FDFT1: variants seen among roughly 807,000 people sequenced by gnomAD.
The protein encoded by FDFT1 is farnesyl-diphosphate farnesyltransferase 1.
FDFT1 carries 68 observed loss-of-function variants against 46.8 expected under a neutral mutation model. That is an observed-to-expected ratio of 1.45 (90% confidence interval 1.19 to 1.78). The LOEUF is 1.78. Among genes scored for constraint, FDFT1 ranks in the 40% most tolerant of loss-of-function variants. FDFT1 has a pLI of 0.00. For missense variants in FDFT1, 928 were observed against 524.4 expected, an observed-to-expected ratio of 1.77 and a Z score of -7.52; for synonymous variants, 351 against 185.1, an observed-to-expected ratio of 1.90 and a Z score of -7.28.
intron 3 of FDFT1, among the ~76,000 whole-genome samples, chr8:11,817,372 T>C (rs993927234): frequency 3.3e-5 from 5 of 151,772 alleles, no homozygotes; most frequent in Non-Finnish European, 7.4e-5. Context: ...ATCAGGATGA[T>C]GCTGGCCTCA....
intron 5 of FDFT1, among the ~76,000 whole-genome samples, chr8:11,829,596 T>C (rs1302530637): frequency 6.6e-6 from 1 of 152,130 alleles, no homozygotes; most frequent in African/African-American, 2.4e-5. Context: ...TATTGGGTTA[T>C]TTTTTTCAGA....
chr8:11,822,241 G>T (rs1585946106), intron 4 of FDFT1, among the ~76,000 whole-genome samples: 1 of 152,152 alleles, frequency 6.6e-6, no homozygotes, highest in Non-Finnish European at 1.5e-5. Flanking sequence ...TTCTGTGGAA[G>T]TAAAGACATT....
intron 7 of FDFT1, among the ~76,000 whole-genome samples, chr8:11,832,776 C>G (rs997338283): frequency 2.0e-5 from 3 of 151,984 alleles, no homozygotes; most frequent in Non-Finnish European, 4.4e-5. Context: ...CTGTGATCCT[C>G]AGGTGTGATC....
At position 11,838,921 on chromosome 8, in the gene FDFT1, A is replaced by G. The variant is rs1011906726; in HGVS notation, c.*312A>G. On this transcript the variant is annotated 3_prime_UTR_variant, in exon 8 of 8. Coordinates refer to ENST00000220584, the MANE Select transcript of FDFT1 (RefSeq NM_004462.5). ...TGACTGTCATGAGATCCTACTTAGT[A>G]TGATCCTGGCTAGAATGATAATTAA... The G allele has an allele frequency of 2.6e-5, 9 of 351,440 alleles. No homozygotes were observed. The highest frequency in any genetic ancestry group is 1.5e-4 in the African/African-American group (7 of 46,458). 21.8% of individuals were successfully genotyped at this position (351,440 alleles called of 1,614,324 possible). A position where few individuals can be genotyped will look rare whatever the true frequency, so the allele number is the denominator to read the frequency against.
intron 7 of FDFT1, among the ~76,000 whole-genome samples, chr8:11,838,087 T>G (rs1198044813): frequency 1.3e-5 from 2 of 152,198 alleles, no homozygotes; most frequent in African/African-American, 2.4e-5. Flanking sequence ...CCTGGCACTG[T>G]GAGGTGCTGG....
intron 3 of FDFT1, among the ~76,000 whole-genome samples, chr8:11,812,414 C>G (rs1036578534): frequency 1.3e-5 from 2 of 152,096 alleles, no homozygotes; most frequent in Non-Finnish European, 2.9e-5. Context: ...GCTGGGATAT[C>G]CTCTCAAATG....
At chr8:11,822,118 A>G (rs144998800) in intron 4 of FDFT1, among the ~76,000 whole-genome samples, 71 of 152,342 alleles carry the variant, frequency 4.7e-4, no homozygotes, top group African/African-American at 1.7e-3. Context: ...GCTTATCTAG[A>G]CAAAGGGATG....
At chr8:11,808,963 C>T (rs1554517660) in intron 2 of FDFT1, 72 bp downstream of exon 2, 3 of 1,563,506 alleles carry the variant, frequency 1.9e-6, no homozygotes, top group South Asian at 1.2e-5. Context: ...TTGGAAGCTA[C>T]CTTTTGATAT....
chr8:11,822,019 C>T (rs781063337), intron 4 of FDFT1, 141 bp downstream of exon 4: 12 of 960,978 alleles, frequency 1.2e-5, no homozygotes, highest in South Asian at 3.2e-5. Flanking sequence ...TTGAATGTCT[C>T]ATCATAAACA....
chr8:11,809,897 T>G, intron 3 of FDFT1, 47 bp downstream of exon 3: 1 of 1,460,888 alleles, frequency 6.8e-7, no homozygotes, highest in Non-Finnish European at 9.4e-7. Context: ...TGTTCATAAT[T>G]GCTAACGTGG....
chr8:11,808,715 C>CTCCCACTCCCAG lies in FDFT1; in HGVS notation c.100-68_100-67insGTCCCACTCCCA, dbSNP rs1554517495. 48 of 6,582 alleles carry CTCCCACTCCCAG rather than the reference C, an allele frequency of 7.3e-3. No individual in the cohort carries two copies. The East Asian group carries it at 0.092, about 13-fold the overall frequency. 0.4% of individuals were successfully genotyped at this position (6,582 alleles called of 1,614,324 possible). A position where few individuals can be genotyped will look rare whatever the true frequency, so the allele number is the denominator to read the frequency against. On this transcript the variant is annotated intron_variant, in intron 1 of 7. Coordinates refer to ENST00000220584, the MANE Select transcript of FDFT1 (RefSeq NM_004462.5). ...TGTGGAGCCGCCTGCCCCAGTCCCA[C>CTCCCACTCCCAG]TCCCACTCCCACTCCCACTCCCACT...
chr8:11,821,899 T>G (rs1178498145), intron 4 of FDFT1, 21 bp downstream of exon 4: 5 of 1,610,466 alleles, frequency 3.1e-6, no homozygotes, highest in Non-Finnish European at 4.2e-6. Flanking sequence ...TAAAACAGTG[T>G]CTGTGTGTGA....
At chr8:11,823,031 C>A (rs1054165172) in intron 4 of FDFT1, among the ~76,000 whole-genome samples, 2 of 152,060 alleles carry the variant, frequency 1.3e-5, no homozygotes, top group Non-Finnish European at 1.5e-5. Context: ...CACGGCTCCC[C>A]GCAGCCTCAA....
At position 11,823,861 on chromosome 8, in the gene FDFT1, A is replaced by C. The variant is rs987559949; in HGVS notation, c.510+1983A>C. 2.0e-5 allele frequency among the ~76,000 whole-genome samples: 3 copies of C among 152,084 alleles called. 1 individual carries two copies. The highest frequency in any genetic ancestry group is 7.2e-5 in the African/African-American group (3 of 41,384). The stretch of plus-strand genomic sequence containing the variant: ...TGTGCTCAAGCAGTCCTCTCACCTC[A>C]GCCTCCCCATTAGCTGGGACTATAG... On this transcript the variant is annotated intron_variant, in intron 4 of 7. Transcript: ENST00000220584.
At chr8:11,825,793 G>A (rs1172144786) in intron 4 of FDFT1, among the ~76,000 whole-genome samples, 4 of 152,044 alleles carry the variant, frequency 2.6e-5, no homozygotes, top group Non-Finnish European at 5.9e-5. Context: ...GAAAATACAA[G>A]TGAAAAATAA....
At chr8:11,825,270 G>A (rs1301163444) in intron 4 of FDFT1, among the ~76,000 whole-genome samples, 4 of 151,998 alleles carry the variant, frequency 2.6e-5, no homozygotes, top group East Asian at 1.9e-4. Flanking sequence ...GGGCGGGCAC[G>A]GTGTCTTGGG....
chr8:11,831,505 T>G lies in FDFT1; in HGVS notation c.880-13T>G. The G allele has an allele frequency of 1.2e-6, 2 of 1,611,258 alleles. No homozygotes were observed. The highest frequency in any genetic ancestry group is 1.7e-6 in the Non-Finnish European group (2 of 1,178,138). ...CATTTCTTCTTTTTTCCCTCTCTTC[T>G]TGTTGTCTCTAGGTGATGGCCATTG... is the stretch of plus-strand genomic sequence containing the variant. On this transcript the variant is annotated splice_polypyrimidine_tract_variant and intron_variant, in intron 6 of 7. Transcript: ENST00000220584.
chr8:11,813,060 G>T (rs963405043), intron 3 of FDFT1, among the ~76,000 whole-genome samples: 2 of 152,186 alleles, frequency 1.3e-5, no homozygotes, highest in Non-Finnish European at 2.9e-5. Context: ...CATCTCTACA[G>T]GATGGTACTG....
intron 1 of FDFT1, chr8:11,807,825 C>G (rs112078933): frequency 6.6e-6 from 1 of 152,136 alleles, no homozygotes; most frequent in Non-Finnish European, 1.5e-5. Flanking sequence ...ATAGAAAAAC[C>G]AGGGTTGGAC....
Sources: allele counts gnomAD v4.1 joint callset (sites outside exome capture counted in the v4.1 genomes callset), GRCh38; gene constraint gnomAD v4.1.1; transcripts MANE v1.5; gene names NCBI Gene and HGNC (gene_info 2026-07-23, HGNC 2026-07-21).